The following SHC4 variants were observed in gnomAD, a reference collection of about 807,000 sequenced individuals.
SHC4 encodes SHC adaptor protein 4.
SHC4 carries 41 observed loss-of-function variants against 69.4 expected under a neutral mutation model. The ratio of observed to expected loss-of-function variants is 0.59; its 90% CI spans 0.46 to 0.77. The LOEUF (loss-of-function observed/expected upper bound fraction) is 0.77. Among genes scored for constraint, SHC4 ranks in the 30% least tolerant of loss-of-function variants. The pLI is 0.00. For synonymous variants in SHC4, 318 were observed against 299.3 expected, an observed-to-expected ratio of 1.06 and a Z score of -0.64; for missense variants, 777 against 783.8, an observed-to-expected ratio of 0.99 and a Z score of 0.10.
At chr15:48,902,676 T>A (rs1458311915) in intron 2 of SHC4, among the ~76,000 whole-genome samples, 2 of 152,118 alleles carry the variant, frequency 1.3e-5, no homozygotes, top group African/African-American at 4.8e-5. Flanking sequence ...ACGACCTGAC[T>A]GGTCAATATG....
chr15:48,845,198 A>G (rs75698533), intron 9 of SHC4, among the ~76,000 whole-genome samples: 6,689 of 152,266 alleles, frequency 0.044, 179 homozygotes, highest in South Asian at 0.07. Flanking sequence ...CCAACCACAT[A>G]CTGAATTTCA....
At chr15:48,843,852 C>CA (rs1428072137) in intron 9 of SHC4, among the ~76,000 whole-genome samples, 3 of 152,002 alleles carry the variant, frequency 2.0e-5, no homozygotes, top group Non-Finnish European at 4.4e-5. Context: ...AGAAGACAAG[C>CA]AGGAAGATCC....
rs139314668 is a variant in SHC4, at chr15:48,963,617, T to G, written c.-602A>C. On this transcript the variant is annotated 5_prime_UTR_variant, in exon 1 of 12. Transcript: ENST00000332408. The stretch of plus-strand genomic sequence containing the variant: ...TTCGTTGATTCCAAAGGCTGCCCTC[T>G]CTTGGAAGATCTTGTCTTGCATCCC... Among the ~76,000 whole-genome samples, 2 of 152,294 alleles carry G rather than the reference T, an allele frequency of 1.3e-5. No homozygotes were observed. Among genetic ancestry groups the G allele is most frequent in the Non-Finnish European group, 2.9e-5 (2 of 68,018 alleles).
At chr15:48,858,214 G>A (rs761155406) in intron 6 of SHC4, among the ~76,000 whole-genome samples, 11 of 152,106 alleles carry the variant, frequency 7.2e-5, no homozygotes, top group Non-Finnish European at 1.3e-4. Context: ...ATCTTTGCAC[G>A]GTATGTTATG....
intron 11 of SHC4, among the ~76,000 whole-genome samples, chr15:48,829,141 T>C (rs1595723602): frequency 6.6e-6 from 1 of 152,212 alleles, no homozygotes; most frequent in Non-Finnish European, 1.5e-5. Flanking sequence ...TGTCAAGACT[T>C]GTCTTGTTAT....
intron 8 of SHC4, among the ~76,000 whole-genome samples, chr15:48,851,793 G>A (rs936362689): frequency 6.6e-6 from 1 of 152,206 alleles, no homozygotes. Context: ...AGTGTCTTTA[G>A]AAAGATTAGT....
chr15:48,826,234 G>T, intron 11 of SHC4, 108 bp from the exon 12 acceptor site: 4 of 1,054,178 alleles, frequency 3.8e-6, no homozygotes, highest in South Asian at 2.1e-5. Flanking sequence ...TAGATACTTT[G>T]CTGAAAAAAG....
intron 1 of SHC4, among the ~76,000 whole-genome samples, chr15:48,930,612 G>A (rs1425967313): frequency 6.6e-6 from 1 of 152,158 alleles, no homozygotes; most frequent in African/African-American, 2.4e-5. Flanking sequence ...ACTCCAGCCT[G>A]GGGGACAGAG....
chr15:48,944,015 C>A (rs1045282447), intron 1 of SHC4, among the ~76,000 whole-genome samples: 4 of 152,034 alleles, frequency 2.6e-5, no homozygotes, highest in African/African-American at 7.2e-5. Flanking sequence ...GTAGGACACC[C>A]AGAGTCTCTG....
chr15:48,921,331 GTT>G (rs35765153), intron 2 of SHC4, among the ~76,000 whole-genome samples: 18 of 140,358 alleles, frequency 1.3e-4, no homozygotes, highest in African/African-American at 4.4e-4. Context: ...GGAAGTTATC[GTT>G]TTTTTTTTTT....
At chr15:48,828,093 A>ATGTGTGTG (rs35818835) in intron 11 of SHC4, among the ~76,000 whole-genome samples, 1 of 148,642 alleles carries the variant, frequency 6.7e-6, no homozygotes, top group African/African-American at 2.5e-5. Flanking sequence ...ATATGTATGT[A>ATGTGTGTG]TGTGTGTGTG....
At position 48,824,905 on chromosome 15, in the gene SHC4, T is replaced by C. The variant is rs1898655509; in HGVS notation, c.*1066A>G. 1 of 142,638 alleles carries C rather than the reference T, an allele frequency of 7.0e-6. No individual in the cohort carries two copies. Among genetic ancestry groups the C allele is most frequent in the African/African-American group, 2.6e-5 (1 of 38,294 alleles). The allele number at this position is 142,638 out of a possible 1,614,324, so 8.8% of individuals were successfully genotyped here. A position where few individuals can be genotyped will look rare whatever the true frequency, so the allele number is the denominator to read the frequency against. ...CCAGTTGGTCTACATGTGGAAAATC[T>C]TTCCAAGTGCTTCATTCAATATGTT... is the stretch of plus-strand genomic sequence containing the variant. On this transcript the variant is annotated 3_prime_UTR_variant, in exon 12 of 12. Transcript: ENST00000332408.
chr15:48,922,611 A>C (rs903121080), intron 2 of SHC4, among the ~76,000 whole-genome samples: 1 of 152,100 alleles, frequency 6.6e-6, no homozygotes, highest in African/African-American at 2.4e-5. Context: ...TCCCCTCCTA[A>C]AGGCCCTGCC....
At chr15:48,848,405 T>C (rs1899139593) in intron 9 of SHC4, among the ~76,000 whole-genome samples, 1 of 152,204 alleles carries the variant, frequency 6.6e-6, no homozygotes, top group South Asian at 2.1e-4. Context: ...CCAGTTACAA[T>C]CATTACCTTA....
intron 9 of SHC4, 82 bp from the exon 10 acceptor site, chr15:48,843,670 T>C (rs572363369): frequency 3.7e-6 from 5 of 1,363,042 alleles, no homozygotes; most frequent in East Asian, 2.4e-5. Flanking sequence ...CTAGAATTGA[T>C]AGAAACCTAA....
intron 1 of SHC4, among the ~76,000 whole-genome samples, chr15:48,929,899 G>C (rs2141027393): frequency 6.6e-6 from 1 of 152,334 alleles, no homozygotes; most frequent in East Asian, 1.9e-4. Context: ...TATGCCCCAA[G>C]GCAGTCATAA....
rs749956454 is a variant in SHC4 at position 48,825,971 on chromosome 15, T to C, written c.1893A>G (p.Ter631TrpextTer3). 6.2e-7 allele frequency: 1 copy of C among 1,613,016 alleles called. No individual in the cohort carries two copies. Among genetic ancestry groups the C allele is most frequent in the South Asian group, 1.1e-5 (1 of 90,788 alleles). The change falls in exon 12 of 12, where the codon TGA (stop) becomes TGG (tryptophan). Residue 631 changes from the stop codon to tryptophan (W), a stop_lost. Transcript: ENST00000332408. ...TCAGTGTGATGGTGCTTCAATACTG[T>C]CATTTGTTGGAATGCAAAAGTGCTG... ...NNPALLHSNK[*>W] is the part of the protein sequence containing the mutation.
chr15:48,844,394 C>G (rs1004655790), intron 9 of SHC4, among the ~76,000 whole-genome samples: 1 of 152,146 alleles, frequency 6.6e-6, no homozygotes. Flanking sequence ...ACCCAGCTAC[C>G]CTTCTTCCTC....
intron 3 of SHC4, among the ~76,000 whole-genome samples, chr15:48,889,568 G>A (rs974504198): frequency 6.6e-6 from 1 of 152,194 alleles, no homozygotes; most frequent in Non-Finnish European, 1.5e-5. Context: ...TTCTCCGCCG[G>A]GTGCGGTGGC....
Sources: allele counts gnomAD v4.1 joint callset (sites outside exome capture counted in the v4.1 genomes callset), GRCh38; gene constraint gnomAD v4.1.1; transcripts MANE v1.5; gene names NCBI Gene and HGNC (gene_info 2026-07-23, HGNC 2026-07-21).